The following DNAH11 variants were observed in gnomAD, a reference collection of about 807,000 sequenced individuals.
The protein encoded by DNAH11 is dynein axonemal heavy chain 11, also known as axonemal beta dynein heavy chain 11.
A neutral mutation model predicts 526.0 loss-of-function variants in DNAH11; 442 were observed. The ratio of observed to expected loss-of-function variants is 0.84; its 90% CI spans 0.78 to 0.91. The LOEUF is 0.91. DNAH11 is among the 40% of genes least tolerant of loss of function. The pLI is 0.00. For missense variants in DNAH11, 6,989 were observed against 5,448.7 expected (o/e 1.28, Z -8.90); for synonymous variants, 2,461 against 1,935.9 (o/e 1.27, Z -7.12).
chr7:21,761,487 T>A (rs749765656), intron 54 of DNAH11, among the ~76,000 whole-genome samples: 23 of 152,196 alleles, frequency 1.5e-4, no homozygotes, highest in Non-Finnish European at 3.1e-4. Context: ...ATTAGAAAAG[T>A]CTATGTTTCA....
chr7:21,688,075 A>C (rs1174811913), intron 34 of DNAH11, among the ~76,000 whole-genome samples: 1 of 152,112 alleles, frequency 6.6e-6, no homozygotes, highest in African/African-American at 2.4e-5. Context: ...AAAACCCAAA[A>C]GACTTCTAAG....
intron 20 of DNAH11, among the ~76,000 whole-genome samples, chr7:21,609,632 A>G (rs1785437611): frequency 6.6e-6 from 1 of 152,244 alleles, no homozygotes; most frequent in Non-Finnish European, 1.5e-5. Flanking sequence ...TGGACCAGAC[A>G]TTTTGAAAAG....
In DNAH11 at chr7:21,901,305, T is replaced by TTAGCCTCTGCTGGAGTGCAGTG; in HGVS notation, c.*51_*52insTAGCCTCTGCTGGAGTGCAGTG. On this transcript the variant is annotated 3_prime_UTR_variant, in exon 82 of 82. Transcript: ENST00000409508. Reference sequence around the variant, plus strand: ...CTGCTGGAGTGCAGTGAGGATTTTCTAGCATGTTGCTGCACTGTTCCCATG... The same window carrying TTAGCCTCTGCTGGAGTGCAGTG: ...CTGCTGGAGTGCAGTGAGGATTTTCTTAGCCTCTGCTGGAGTGCAGTGAGCATGTTGCTGCACTGTTCCCATG... 60 of 1,549,288 alleles carry TTAGCCTCTGCTGGAGTGCAGTG rather than the reference T, an allele frequency of 3.9e-5. No homozygotes were observed. Among genetic ancestry groups the TTAGCCTCTGCTGGAGTGCAGTG allele is most frequent in the South Asian group, 2.0e-4 (16 of 78,898 alleles).
intron 70 of DNAH11, among the ~76,000 whole-genome samples, 196 bp downstream of exon 70, chr7:21,864,853 GC>G (rs1423125714): frequency 6.6e-6 from 1 of 152,182 alleles, no homozygotes; most frequent in Non-Finnish European, 1.5e-5. Flanking sequence ...ATGTAAAGGA[GC>G]TTTTGGCTTA....
intron 36 of DNAH11, among the ~76,000 whole-genome samples, chr7:21,700,492 A>G (rs760793084): frequency 2.2e-4 from 33 of 152,116 alleles, no homozygotes; most frequent in Non-Finnish European, 3.7e-4. Context: ...TGTGGTCCAA[A>G]ATTTCTTCTG....
At chr7:21,676,005 A>T (rs1458818989) in intron 30 of DNAH11, among the ~76,000 whole-genome samples, 1 of 152,152 alleles carries the variant, frequency 6.6e-6, no homozygotes, top group Non-Finnish European at 1.5e-5. Flanking sequence ...GACTCCCGGA[A>T]CATGAAGTGG....
rs576671223 is a variant in DNAH11, at chr7:21,720,613, G to T, written c.7135-112G>T. The T allele has an allele frequency of 4.6e-5, 56 of 1,222,130 alleles. No homozygotes were observed. In the South Asian group the frequency reaches 7.8e-4, roughly 17 times the overall value. 75.7% of individuals were successfully genotyped at this position (1,222,130 alleles called of 1,614,324 possible). On this transcript the variant is annotated intron_variant, in intron 43 of 81. Coordinates refer to ENST00000409508, the MANE Select transcript of DNAH11 (RefSeq NM_001277115.2). ...GTCTCTCCCAATGTAGCAAATCACA[G>T]CTGGGAAAAACTATGTACTCTCTTA...
chr7:21,749,243 A>G (rs930541306), intron 52 of DNAH11, among the ~76,000 whole-genome samples: 1 of 152,212 alleles, frequency 6.6e-6, no homozygotes, highest in Non-Finnish European at 1.5e-5. Context: ...AGTACCTACA[A>G]TTTGTGCCAA....
intron 74 of DNAH11, among the ~76,000 whole-genome samples, chr7:21,873,784 C>CCTT (rs1273779852): frequency 1.4e-5 from 1 of 70,700 alleles, no homozygotes; most frequent in Admixed American, 2.5e-4. Flanking sequence ...GAGGAGGTTG[C>CCTT]TTTTTTTTTT....
At chr7:21,749,863 G>T (rs1353809174) in intron 53 of DNAH11, 62 bp downstream of exon 53, 5 of 1,603,498 alleles carry the variant, frequency 3.1e-6, no homozygotes, top group Middle Eastern at 1.7e-4. Flanking sequence ...TGTAGTTTCA[G>T]TGAACTTTAA....
At chr7:21,759,468 G>A (rs746781407) in intron 54 of DNAH11, among the ~76,000 whole-genome samples, 12 of 152,280 alleles carry the variant, frequency 7.9e-5, no homozygotes, top group East Asian at 3.9e-4. Context: ...AGGAAGATAC[G>A]AGGACGATGA....
intron 22 of DNAH11, 134 bp from the exon 23 acceptor site, chr7:21,617,485 C>G: frequency 9.5e-7 from 1 of 1,057,746 alleles, no homozygotes; most frequent in East Asian, 2.6e-5. Context: ...GGTTTTGCTC[C>G]TTGGTCTAGG....
Position 21,570,073 on chromosome 7 carries a change from C to T in DNAH11, c.1199C>T (p.Thr400Ile), listed in dbSNP as rs72655982. Residue 400 changes from threonine to isoleucine, a missense_variant, in exon 7 of 82, where the codon ACA becomes ATA. Physicochemically the swap from Thr to Ile is moderately conservative, Grantham distance 89 (BLOSUM62 -1). Coordinates refer to ENST00000409508, the MANE Select transcript of DNAH11 (RefSeq NM_001277115.2). ...EFCNLFINQA[T>I]AYLSPEDLLR... The stretch of plus-strand genomic sequence containing the variant: ...TTCCCTTTCATTAAATCCTAGGCAA[C>T]AGCTTACCTTTCACCTGAGGACCTT... 0.045 allele frequency: 71,589 copies of T among 1,597,816 alleles called. 1,819 individuals are homozygous for T. Among genetic ancestry groups the T allele is most frequent in the South Asian group, 0.056 (4,958 of 87,936 alleles).
intron 55 of DNAH11, 146 bp downstream of exon 55, chr7:21,765,735 G>A: frequency 1.7e-6 from 2 of 1,179,512 alleles, no homozygotes; most frequent in South Asian, 3.6e-5. Flanking sequence ...TGTTTAAGAT[G>A]CTAAACTTAT....
intron 65 of DNAH11, among the ~76,000 whole-genome samples, chr7:21,829,871 G>C (rs1790471272): frequency 6.6e-6 from 1 of 152,138 alleles, no homozygotes; most frequent in South Asian, 2.1e-4. Flanking sequence ...ACTGATCATT[G>C]GGAACAGTGT....
intron 54 of DNAH11, among the ~76,000 whole-genome samples, chr7:21,756,105 G>C (rs935707361): frequency 5.3e-5 from 8 of 151,706 alleles, no homozygotes; most frequent in African/African-American, 1.9e-4. Context: ...ATGTGTTAAG[G>C]CTTTTTTAGG....
chr7:21,687,561 T>A (rs1446420245), intron 34 of DNAH11, 34 bp downstream of exon 34: 1 of 1,602,530 alleles, frequency 6.2e-7, no homozygotes, highest in East Asian at 2.2e-5. Context: ...TTGTTACAAA[T>A]AGAAAAACAT....
chr7:21,753,011 T>A (rs1167359047), intron 54 of DNAH11, among the ~76,000 whole-genome samples: 2 of 152,140 alleles, frequency 1.3e-5, no homozygotes, highest in Non-Finnish European at 1.5e-5. Flanking sequence ...TAATCTTTAC[T>A]AGAAGCAGTC....
At chr7:21,693,846 A>G (rs1451138340) in intron 35 of DNAH11, among the ~76,000 whole-genome samples, 3 of 152,316 alleles carry the variant, frequency 2.0e-5, no homozygotes, top group Non-Finnish European at 2.9e-5. Flanking sequence ...AAAGTTCCAG[A>G]GGCTGTACAG....
Sources: gnomAD v4.1 joint callset for allele counts (sites outside exome capture counted in the v4.1 genomes callset) on GRCh38, gnomAD v4.1.1 for gene constraint, MANE v1.5 for transcripts, NCBI Gene and HGNC (gene_info 2026-07-23, HGNC 2026-07-21) for gene names.